HDAC9: variants seen among roughly 807,000 people sequenced by gnomAD.
The protein encoded by HDAC9 is MEF-2 interacting transcription repressor (MITR) protein.
Under a neutral mutation model 139.4 loss-of-function variants are expected in HDAC9, and 41 were observed. That is an observed-to-expected ratio of 0.29 (90% CI 0.23 to 0.38). The LOEUF (loss-of-function observed/expected upper bound fraction) is 0.38, where lower values mean the gene tolerates loss of function less well. HDAC9 is among the 10% of genes least tolerant of loss of function. The probability of loss-of-function intolerance (pLI) is 1.00; values close to 1 mark genes in which losing one functional copy is unlikely to be tolerated. For missense variants in HDAC9, 1,147 were observed against 1,297.0 expected (o/e 0.88, Z 1.78); for synonymous variants, 517 against 476.2 (o/e 1.09, Z -1.12).
intron 24 of HDAC9, among the ~76,000 whole-genome samples, chr7:18,973,930 T>C (rs772023231): frequency 2.0e-5 from 3 of 152,166 alleles, no homozygotes; most frequent in Non-Finnish European, 2.9e-5. Flanking sequence ...ATAAGCCTGA[T>C]TCTATACCTT....
Position 18,768,221 on chromosome 7 carries a change from CTAAGT to C in HDAC9, c.2214+1069_2214+1073del, listed in dbSNP as rs1240995732. 7.9e-5 allele frequency among the ~76,000 whole-genome samples: 12 copies of C among 152,238 alleles called. 1 individual carries two copies. In the South Asian group the frequency reaches 1.9e-3, roughly 24 times the overall value. On this transcript the variant is annotated intron_variant, in intron 16 of 25. Transcript: ENST00000686413. ...ATGAGAAAGTGAAGGCTGGGAGAAG[CTAAGT>C]TATTTTCCTGAAGTCACACAGTAAA...
Position 18,974,674 on chromosome 7 carries a change from T to G in HDAC9, c.3023-1132T>G, listed in dbSNP as rs190911336. On this transcript the variant is annotated intron_variant, in intron 24 of 25. Transcript: ENST00000686413. ...GGCATGGGGAACAGATGGGGAGACT[T>G]AGTATCCTCTCCTAATGTGACATCT... 1.1e-4 allele frequency among the ~76,000 whole-genome samples: 17 copies of G among 152,328 alleles called. No homozygotes were observed. In the East Asian group the frequency reaches 3.1e-3, roughly 28 times the overall value.
chr7:18,484,187 A>G (rs932514862), intron 1 of HDAC9, among the ~76,000 whole-genome samples: 7 of 151,370 alleles, frequency 4.6e-5, no homozygotes, highest in African/African-American at 1.5e-4. Context: ...AAAAAAAAAA[A>G]AAAAAAAATT....
intron 1 of HDAC9, among the ~76,000 whole-genome samples, chr7:18,129,433 C>G (rs1178374): frequency 0.14 from 21,075 of 152,000 alleles, 2,680 homozygotes; most frequent in African/African-American, 0.34. Context: ...CCTATAGAAC[C>G]TATAAAATGA....
Position 18,333,262 on chromosome 7 carries a change from A to C in HDAC9, c.-42+42747A>C, listed in dbSNP as rs191163449. ...ACCATTGGATGGGGTGAAGTTGGAG[A>C]GAGGAAATGGGGAGATTTAGGCCAA... On this transcript the variant is annotated intron_variant, in intron 1 of 3. Coordinates refer to the HDAC9 transcript ENST00000413509. Among the ~76,000 whole-genome samples, 4 of 151,612 alleles carry C rather than the reference A, an allele frequency of 2.6e-5. No individual in the cohort carries two copies. The Admixed American group carries it at 2.6e-4, about 10-fold the overall frequency.
intron 22 of HDAC9, among the ~76,000 whole-genome samples, chr7:18,893,869 A>C (rs898769157): frequency 1.2e-4 from 19 of 152,186 alleles, no homozygotes; most frequent in African/African-American, 4.1e-4. Context: ...GCAAGCTGTG[A>C]AACTATCATA....
intron 1 of HDAC9, among the ~76,000 whole-genome samples, chr7:18,398,035 T>A (rs1787211281): frequency 6.6e-6 from 1 of 152,172 alleles, no homozygotes; most frequent in Admixed American, 6.6e-5. Context: ...CGGAGATTTG[T>A]CCAAGGTTTA....
chr7:18,341,661 A>G (rs543162568), intron 1 of HDAC9, among the ~76,000 whole-genome samples: 1 of 151,772 alleles, frequency 6.6e-6, no homozygotes, highest in African/African-American at 2.4e-5. Flanking sequence ...AACTGTTTCA[A>G]TGTGTTTTTT....
chr7:18,089,751 T>C (rs1294037150), intron 1 of HDAC9, among the ~76,000 whole-genome samples: 1 of 152,184 alleles, frequency 6.6e-6, no homozygotes, highest in East Asian at 1.9e-4. Context: ...TATTCTTAAA[T>C]AGAGATGTGG....
chr7:18,866,477 C>T (rs542438554), intron 21 of HDAC9, among the ~76,000 whole-genome samples: 4 of 152,018 alleles, frequency 2.6e-5, no homozygotes, highest in African/African-American at 7.3e-5. Flanking sequence ...GTTGGTTGCC[C>T]GCTCTCCTCT....
chr7:18,150,553 C>T (rs1446534925), intron 1 of HDAC9, among the ~76,000 whole-genome samples: 3 of 152,140 alleles, frequency 2.0e-5, no homozygotes, highest in East Asian at 1.9e-4. Flanking sequence ...AGAATCTTCT[C>T]TTATCTCTGG....
At chr7:18,733,698 C>T (rs933229653) in intron 13 of HDAC9, among the ~76,000 whole-genome samples, 14 of 151,732 alleles carry the variant, frequency 9.2e-5, no homozygotes, top group Admixed American at 6.6e-5. Context: ...CATACACACA[C>T]ATATATATTT....
rs1290424199 is a variant in HDAC9 at position 18,334,845 on chromosome 7, T to TG, written c.-42+44333dup. ...GCTATTTTGCTCTCTGAAACTCTAA[T>TG]GGGTCCAGAGATTACAGGCGGGGAT... On this transcript the variant is annotated intron_variant, in intron 1 of 3. Coordinates refer to the HDAC9 transcript ENST00000413509. 4.0e-5 allele frequency among the ~76,000 whole-genome samples: 6 copies of TG among 151,440 alleles called. 1 individual carries two copies. The highest frequency in any genetic ancestry group is 1.5e-4 in the African/African-American group (6 of 41,346).
At chr7:18,119,530 T>C (rs1784230172) in intron 1 of HDAC9, among the ~76,000 whole-genome samples, 1 of 152,208 alleles carries the variant, frequency 6.6e-6, no homozygotes, top group South Asian at 2.1e-4. Flanking sequence ...TCTAGAGAAC[T>C]GTCGGTCTTC....
At chr7:18,092,851 A>G (rs1782255072) in intron 1 of HDAC9, among the ~76,000 whole-genome samples, 1 of 152,082 alleles carries the variant, frequency 6.6e-6, no homozygotes, top group Non-Finnish European at 1.5e-5. Context: ...GGAGTAGAAA[A>G]CCTTTGAAAG....
At chr7:18,594,791 A>G (rs371135179) in intron 6 of HDAC9, among the ~76,000 whole-genome samples, 29 of 152,188 alleles carry the variant, frequency 1.9e-4, no homozygotes, top group East Asian at 7.7e-4. Flanking sequence ...TCTATTCTAA[A>G]TCTCAACGTT....
intron 1 of HDAC9, among the ~76,000 whole-genome samples, chr7:18,462,354 G>C (rs111781428): frequency 0.012 from 1,889 of 151,966 alleles, 41 homozygotes; most frequent in African/African-American, 0.042. Context: ...ATTATTACTC[G>C]ATTATTTTTA....
chr7:18,832,501 A>G (rs7786280), intron 19 of HDAC9, among the ~76,000 whole-genome samples: 6,538 of 152,290 alleles, frequency 0.043, 183 homozygotes, highest in Middle Eastern at 0.1. Flanking sequence ...TAAAATATTT[A>G]AACAATTTTT....
chr7:18,482,169 T>C (rs1795606081), intron 1 of HDAC9, among the ~76,000 whole-genome samples: 2 of 151,682 alleles, frequency 1.3e-5, no homozygotes, highest in Non-Finnish European at 2.9e-5. Context: ...ATTCTGCTTG[T>C]TCTGGCAAGA....
Sources: gnomAD v4.1 joint callset for allele counts (sites outside exome capture counted in the v4.1 genomes callset) on GRCh38, gnomAD v4.1.1 for gene constraint, MANE v1.5 for transcripts, NCBI Gene and HGNC (gene_info 2026-07-23, HGNC 2026-07-21) for gene names.